Variants in ANKRD62 observed in about 807,000 individuals in gnomAD.
The protein encoded by ANKRD62 is ankyrin repeat domain-containing protein 62.
ANKRD62 carries 61 observed loss-of-function variants against 98.8 expected under a neutral mutation model. The observed-to-expected ratio is 0.62, with a 90% CI of 0.50 to 0.76. The LOEUF is 0.76. Among genes scored for constraint, ANKRD62 ranks in the 30% least tolerant of loss-of-function variants. ANKRD62 has a pLI of 0.00. For synonymous variants in ANKRD62, 341 were observed against 367.9 expected (o/e 0.93, Z 0.84); for missense variants, 933 against 1,082.9 (o/e 0.86, Z 1.94).
rs1480885996 is a variant in ANKRD62, at chr18:12,115,067, AT to A, written c.1065-15del. On this transcript the variant is annotated intron_variant, in intron 8 of 13. Coordinates refer to ENST00000587848, the MANE Select transcript of ANKRD62 (RefSeq NM_001277333.2). ...CATATTTACTATTTGCCTGATTGGAATTTTTTGGTTTTTTTTTTAGGCTTGC... is the reference window on the plus strand; with the variant it reads ...CATATTTACTATTTGCCTGATTGGAATTTTTGGTTTTTTTTTTAGGCTTGC... 8 of 1,392,766 alleles carry A rather than the reference AT, an allele frequency of 5.7e-6. No individual in the cohort carries two copies. Among genetic ancestry groups the A allele is most frequent in the Admixed American group, 3.2e-5 (1 of 31,654 alleles). The allele number at this position is 1,392,766 out of a possible 1,614,324, so 86.3% of individuals were successfully genotyped here. A position where few individuals can be genotyped will look rare whatever the true frequency, so the allele number is the denominator to read the frequency against.
chr18:12,180,944 C>G, the ANKRD62 span, among the ~76,000 whole-genome samples: 3 of 139,048 alleles, frequency 2.2e-5, no homozygotes, highest in Admixed American at 7.6e-5. Context: ...TCCCTCCCCC[C>G]CCACCTCACA....
chr18:12,175,167 G>C, the ANKRD62 span, among the ~76,000 whole-genome samples: 1 of 152,220 alleles, frequency 6.6e-6, no homozygotes, highest in Non-Finnish European at 1.5e-5. Flanking sequence ...GTTGCCTTGG[G>C]AGCACTGGCG....
At chr18:12,098,847 A>G (rs751828888) in intron 5 of ANKRD62, among the ~76,000 whole-genome samples, 1 of 152,220 alleles carries the variant, frequency 6.6e-6, no homozygotes, top group African/African-American at 2.4e-5. Context: ...CATTCTAACA[A>G]AGATCTGCCA....
chr18:12,157,197 C>G, the ANKRD62 span, among the ~76,000 whole-genome samples: 1 of 152,152 alleles, frequency 6.6e-6, no homozygotes, highest in African/African-American at 2.4e-5. Context: ...CTGCTGGGCA[C>G]TTATTTCAAC....
chr18:12,146,540 G>A, the ANKRD62 span, among the ~76,000 whole-genome samples: 1 of 152,198 alleles, frequency 6.6e-6, no homozygotes, highest in Non-Finnish European at 1.5e-5. Context: ...CCGCCTCCTG[G>A]GTTCAAGCAA....
chr18:12,121,675 G>GGAAGCTCTGTCAACAAAA, intron 10 of ANKRD62, among the ~76,000 whole-genome samples: 1 of 152,060 alleles, frequency 6.6e-6, no homozygotes, highest in Non-Finnish European at 1.5e-5. Context: ...GTCATGGCCT[G>GGAAGCTCTGTCAACAAAA]GAAGCTCTGT....
chr18:12,120,735 G>C (rs1909766214), intron 10 of ANKRD62, among the ~76,000 whole-genome samples: 1 of 151,932 alleles, frequency 6.6e-6, no homozygotes, highest in African/African-American at 2.4e-5. Flanking sequence ...AGATTAATCA[G>C]CTATTTTCTA....
At chr18:12,168,512 T>G in the ANKRD62 span, among the ~76,000 whole-genome samples, 30 of 152,236 alleles carry the variant, frequency 2.0e-4, no homozygotes, top group Middle Eastern at 3.4e-3. Context: ...TTTGGTACCA[T>G]TACCATGCTG....
intron 6 of ANKRD62, chr18:12,101,868 GAGA>G: frequency 4.8e-6 from 3 of 622,208 alleles, no homozygotes; most frequent in East Asian, 2.8e-5. Flanking sequence ...TTGTGATTAA[GAGA>G]AGAAGGCTGT....
chr18:12,137,042 C>T, the ANKRD62 span, among the ~76,000 whole-genome samples: 1 of 152,058 alleles, frequency 6.6e-6, no homozygotes, highest in African/African-American at 2.4e-5. Flanking sequence ...CCTTTATTTC[C>T]TTCTCCTGCC....
chr18:12,171,730 G>A, the ANKRD62 span, among the ~76,000 whole-genome samples: 2 of 152,198 alleles, frequency 1.3e-5, no homozygotes, highest in Admixed American at 1.3e-4. Context: ...ATCCTGCAGA[G>A]TGTTTTCCAA....
At chr18:12,131,308 T>C (rs570669460), downstream of ANKRD62, among the ~76,000 whole-genome samples, 1 of 152,296 alleles carries the variant, frequency 6.6e-6, no homozygotes, top group East Asian at 1.9e-4. Context: ...TTGCCAAAAA[T>C]TATGAATTAA....
chr18:12,172,217 C>T, the ANKRD62 span, among the ~76,000 whole-genome samples: 1 of 152,344 alleles, frequency 6.6e-6, no homozygotes, highest in East Asian at 1.9e-4. Context: ...AGAAGAGGCA[C>T]TCTGATTTTT....
chr18:12,101,384 G>T (rs940069841), intron 6 of ANKRD62, among the ~76,000 whole-genome samples: 12 of 152,134 alleles, frequency 7.9e-5, no homozygotes, highest in African/African-American at 2.2e-4. Flanking sequence ...TCTACAAGGG[G>T]AACCTTGCCC....
chr18:12,171,578 C>A, the ANKRD62 span, among the ~76,000 whole-genome samples: 1 of 152,174 alleles, frequency 6.6e-6, no homozygotes, highest in Non-Finnish European at 1.5e-5. Context: ...AGCCTTTTTT[C>A]CTTCATTTTA....
chr18:12,097,288 A>G (rs992106520), intron 4 of ANKRD62, among the ~76,000 whole-genome samples: 9 of 152,190 alleles, frequency 5.9e-5, no homozygotes, highest in Admixed American at 2.0e-4. Context: ...TTGAATTACA[A>G]TATATTATAT....
the ANKRD62 span, among the ~76,000 whole-genome samples, chr18:12,159,027 G>C: frequency 6.6e-6 from 1 of 152,118 alleles, no homozygotes; most frequent in African/African-American, 2.4e-5. Context: ...GATGGAAAAA[G>C]TTTAAAGCTG....
At chr18:12,173,043 T>A in the ANKRD62 span, among the ~76,000 whole-genome samples, 3 of 152,236 alleles carry the variant, frequency 2.0e-5, no homozygotes, top group Non-Finnish European at 4.4e-5. Context: ...ATTCTCTGAC[T>A]GCTTGTGCTT....
At chr18:12,156,386 A>G in the ANKRD62 span, among the ~76,000 whole-genome samples, 375 of 152,230 alleles carry the variant, frequency 2.5e-3, 1 homozygote, top group Middle Eastern at 0.01. Flanking sequence ...GGAGTATCCC[A>G]CATGTCATGG....
Sources: allele counts gnomAD v4.1 joint callset (sites outside exome capture counted in the v4.1 genomes callset), GRCh38; gene constraint gnomAD v4.1.1; transcripts MANE v1.5; gene names NCBI Gene and HGNC (gene_info 2026-07-23, HGNC 2026-07-21).